Variants in BNC2 observed in about 807,000 individuals in gnomAD.
BNC2 encodes zinc finger protein basonuclin-2.
Under a neutral mutation model 76.3 loss-of-function variants are expected in BNC2, and 20 were observed. The ratio of observed to expected loss-of-function variants is 0.26; its 90% confidence interval spans 0.18 to 0.38. The LOEUF (loss-of-function observed/expected upper bound fraction) is 0.38. Among genes scored for constraint, BNC2 ranks in the 10% least tolerant of loss-of-function variants. The pLI, the probability that BNC2 is intolerant of heterozygous loss-of-function variation, is 1.00. For synonymous variants in BNC2, 582 were observed against 514.8 expected, an observed-to-expected ratio of 1.13 and a Z score of -1.77; for missense variants, 1,382 against 1,399.8, an observed-to-expected ratio of 0.99 and a Z score of 0.20.
chr9:16,514,872 G>A (rs1371660790), intron 5 of BNC2, among the ~76,000 whole-genome samples: 2 of 152,124 alleles, frequency 1.3e-5, no homozygotes. Context: ...CATTGCTAAT[G>A]GCAATCACTG....
At chr9:16,847,780 G>C (rs1404521939) in intron 1 of BNC2, among the ~76,000 whole-genome samples, 1 of 152,120 alleles carries the variant, frequency 6.6e-6, no homozygotes, top group East Asian at 1.9e-4. Context: ...AAAATGAAAA[G>C]ACCATAAAGA....
chr9:16,810,418 G>A (rs1305373778), intron 1 of BNC2, among the ~76,000 whole-genome samples: 1 of 152,166 alleles, frequency 6.6e-6, no homozygotes, highest in East Asian at 1.9e-4. Flanking sequence ...GCCTAAATAG[G>A]GGCTACAGGC....
intron 6 of BNC2, among the ~76,000 whole-genome samples, chr9:16,424,670 G>T (rs963484429): frequency 6.6e-6 from 1 of 152,136 alleles, no homozygotes; most frequent in African/African-American, 2.4e-5. Context: ...GAGAGAGAGA[G>T]ATAAATTTAT....
chr9:16,708,093 T>C (rs988427301), intron 3 of BNC2, among the ~76,000 whole-genome samples: 1 of 152,152 alleles, frequency 6.6e-6, no homozygotes, highest in Non-Finnish European at 1.5e-5. Flanking sequence ...ATACAGAACC[T>C]GCTGAAGAAA....
At position 16,539,676 on chromosome 9, in the gene BNC2, G is replaced by A. The variant is rs1238930937; in HGVS notation, c.669+12854C>T. 2.0e-4 allele frequency among the ~76,000 whole-genome samples: 11 copies of A among 55,962 alleles called. 1 individual carries two copies. The highest frequency in any genetic ancestry group is 6.9e-4 in the African/African-American group (11 of 15,852). 36.7% of individuals were successfully genotyped at this position (55,962 alleles called of 152,430 possible). On this transcript the variant is annotated intron_variant, in intron 5 of 6. Coordinates refer to ENST00000380672, the MANE Select transcript of BNC2 (RefSeq NM_017637.6). ...GAGAGAAGGGAGGGAGGGAGGGAGG[G>A]AGGAAGGAAGGAAGGGAGAAAGGAA...
At chr9:16,626,174 A>C (rs1820987997) in intron 3 of BNC2, 1 of 152,196 alleles carries the variant, frequency 6.6e-6, no homozygotes, top group African/African-American at 2.4e-5. Context: ...GTATATCTAA[A>C]GAGGACTCCT....
At chr9:16,505,619 A>G (rs562608495) in intron 5 of BNC2, among the ~76,000 whole-genome samples, 4 of 152,310 alleles carry the variant, frequency 2.6e-5, no homozygotes, top group Admixed American at 1.3e-4. Flanking sequence ...CTGTTCTAAA[A>G]GAAAATAGTG....
intron 5 of BNC2, among the ~76,000 whole-genome samples, chr9:16,475,827 C>G (rs1587072070): frequency 6.6e-6 from 1 of 152,164 alleles, no homozygotes; most frequent in Non-Finnish European, 1.5e-5. Context: ...GCACCGATAG[C>G]CTTACAATTC....
At chr9:16,716,672 C>T (rs910193974) in intron 3 of BNC2, among the ~76,000 whole-genome samples, 2 of 152,118 alleles carry the variant, frequency 1.3e-5, no homozygotes, top group African/African-American at 2.4e-5. Context: ...GAAATGCTTA[C>T]GTATCATGCA....
chr9:16,534,304 A>G (rs1308291985), intron 5 of BNC2, among the ~76,000 whole-genome samples: 1 of 152,146 alleles, frequency 6.6e-6, no homozygotes, highest in Non-Finnish European at 1.5e-5. Flanking sequence ...AGAATCACAC[A>G]ATAGTAATGC....
At chr9:16,818,830 A>G (rs1818247108) in intron 1 of BNC2, among the ~76,000 whole-genome samples, 1 of 151,534 alleles carries the variant, frequency 6.6e-6, no homozygotes, top group Non-Finnish European at 1.5e-5. Context: ...CCTGGAATGA[A>G]TTTTTAAAAA....
At chr9:16,688,464 T>C (rs1823043746) in intron 3 of BNC2, among the ~76,000 whole-genome samples, 1 of 152,210 alleles carries the variant, frequency 6.6e-6, no homozygotes, top group African/African-American at 2.4e-5. Context: ...TGCCTAACCA[T>C]TATTTAATAT....
chr9:16,642,686 AAC>A (rs1457453531), intron 3 of BNC2, among the ~76,000 whole-genome samples: 1 of 152,228 alleles, frequency 6.6e-6, no homozygotes, highest in Non-Finnish European at 1.5e-5. Context: ...AAGGAAGAAA[AAC>A]AGTGAGTGCC....
At chr9:16,614,140 T>G (rs1016930608) in intron 3 of BNC2, among the ~76,000 whole-genome samples, 10 of 152,254 alleles carry the variant, frequency 6.6e-5, no homozygotes, top group African/African-American at 2.4e-4. Flanking sequence ...AACCCAAAAA[T>G]GTTAAATTTC....
At chr9:16,701,995 A>G (rs1466571523) in intron 3 of BNC2, among the ~76,000 whole-genome samples, 1 of 151,992 alleles carries the variant, frequency 6.6e-6, no homozygotes, top group Non-Finnish European at 1.5e-5. Context: ...TCACATGGGA[A>G]CACAATTATT....
At chr9:16,852,646 G>T (rs2136163842) in intron 1 of BNC2, among the ~76,000 whole-genome samples, 1 of 152,176 alleles carries the variant, frequency 6.6e-6, no homozygotes, top group South Asian at 2.1e-4. Flanking sequence ...CTTTCAAGCG[G>T]CAGTGTGCTG....
At chr9:16,502,470 A>G (rs1421606107) in intron 5 of BNC2, among the ~76,000 whole-genome samples, 1 of 152,182 alleles carries the variant, frequency 6.6e-6, no homozygotes, top group Non-Finnish European at 1.5e-5. Context: ...AGTTACTAAC[A>G]TTCCATAGAA....
chr9:16,458,003 G>C lies in BNC2; in HGVS notation c.670-20479C>G, dbSNP rs1587050868. Among the ~76,000 whole-genome samples, 4 of 152,298 alleles carry C rather than the reference G, an allele frequency of 2.6e-5. No individual in the cohort carries two copies. In the South Asian group the frequency reaches 6.2e-4, roughly 24 times the overall value. ...CAGTTCTGTTGCTCGATCCAGGAAT[G>C]GGTGGGTAGGTGGGAGAAAGAGGTA... is the stretch of plus-strand genomic sequence containing the variant. On this transcript the variant is annotated intron_variant, in intron 5 of 6. Coordinates refer to ENST00000380672, the MANE Select transcript of BNC2 (RefSeq NM_017637.6).
At chr9:16,804,311 A>T (rs1360276476) in intron 1 of BNC2, among the ~76,000 whole-genome samples, 1 of 152,210 alleles carries the variant, frequency 6.6e-6, no homozygotes, top group Non-Finnish European at 1.5e-5. Context: ...GAACGTTTTG[A>T]TGTAAGTACT....
Sources: gnomAD v4.1 joint callset for allele counts (sites outside exome capture counted in the v4.1 genomes callset) on GRCh38, gnomAD v4.1.1 for gene constraint, MANE v1.5 for transcripts, NCBI Gene and HGNC (gene_info 2026-07-23, HGNC 2026-07-21) for gene names.